IQSEC2: variants seen among roughly 807,000 people sequenced by gnomAD.
IQSEC2 encodes IQ motif and Sec7 domain ArfGEF 2.
In IQSEC2, 6 loss-of-function variants were observed where a neutral mutation model predicts 74.6. The ratio of observed to expected loss-of-function variants is 0.08; its 90% CI spans 0.04 to 0.16. The LOEUF (loss-of-function observed/expected upper bound fraction) is 0.16. Among genes scored for constraint, IQSEC2 ranks in the 10% least tolerant of loss-of-function variants. The pLI, the probability that IQSEC2 is intolerant of heterozygous loss-of-function variation, is 1.00. For synonymous variants in IQSEC2, 494 were observed against 544.5 expected (o/e 0.91, Z 1.29); for missense variants, 734 against 1,306.2 (o/e 0.56, Z 6.75).
chrX:53,255,007 A>C, intron 3 of IQSEC2, 76 bp from the exon 4 acceptor site: 15 of 980,678 alleles, frequency 1.5e-5, no homozygotes, highest in Non-Finnish European at 2.0e-5. Context: ...CAACCACACC[A>C]CCCCCACTGG....
At chrX:53,291,814 A>C in intron 2 of IQSEC2, 81 bp downstream of exon 2, 1 of 921,131 alleles carries the variant, frequency 1.1e-6, no homozygotes, top group Non-Finnish European at 1.5e-6. Context: ...TTGCCCATGG[A>C]TCCTGCAGTT....
At chrX:53,291,535 C>T (rs1288218098) in intron 2 of IQSEC2, among the ~76,000 whole-genome samples, 1 of 111,105 alleles carries the variant, frequency 9.0e-6, no homozygotes, top group African/African-American at 3.3e-5. Context: ...ACCAGGGAAG[C>T]TCAGCATCGA....
intron 1 of IQSEC2, among the ~76,000 whole-genome samples, chrX:53,312,051 T>C (rs782494924): frequency 1.8e-5 from 2 of 111,499 alleles, no homozygotes; most frequent in Non-Finnish European, 3.8e-5. Context: ...TGTGCTCTAG[T>C]TTGTACTGAA....
intron 1 of IQSEC2, among the ~76,000 whole-genome samples, chrX:53,299,604 G>A (rs1436146234): frequency 9.0e-6 from 1 of 111,365 alleles, no homozygotes; most frequent in Non-Finnish European, 1.9e-5. Context: ...CTGCAGGCCT[G>A]TTTCACCCCA....
chrX:53,290,368 G>T (rs782250162), intron 2 of IQSEC2, among the ~76,000 whole-genome samples: 2 of 112,227 alleles, frequency 1.8e-5, no homozygotes, highest in African/African-American at 6.5e-5. Context: ...CTGAGCTCTA[G>T]GTCCCAGGAA....
At chrX:53,310,477 G>T (rs2497954) in intron 1 of IQSEC2, among the ~76,000 whole-genome samples, 27,690 of 110,636 alleles carry the variant, frequency 0.25, 3,213 homozygotes, top group South Asian at 0.42. Flanking sequence ...CTAAAATTCA[G>T]AAAAGGTAAA....
chrX:53,315,261 C>A (rs1487298251), intron 1 of IQSEC2, among the ~76,000 whole-genome samples: 1 of 111,589 alleles, frequency 9.0e-6, no homozygotes, highest in African/African-American at 3.3e-5. Flanking sequence ...GGTGGTGGCA[C>A]GTGTTTGTAA....
chrX:53,282,834 T>C (rs1556871174), intron 2 of IQSEC2, among the ~76,000 whole-genome samples: 1 of 109,309 alleles, frequency 9.1e-6, no homozygotes, highest in African/African-American at 3.3e-5. Flanking sequence ...CAGCTTCACC[T>C]TGTGCCCATT....
At chrX:53,294,544 G>C (rs1482816033) in intron 1 of IQSEC2, among the ~76,000 whole-genome samples, 1 of 112,044 alleles carries the variant, frequency 8.9e-6, no homozygotes, top group Non-Finnish European at 1.9e-5. Context: ...TCCCTAATTG[G>C]CAGTGTGAAC....
rs1175128014 is a variant in IQSEC2, at chrX:53,233,247, C to T, written c.*972G>A. ...GGCATTCTGGCTCCCAACCCCAGCT[C>T]TGATGGCTTCAATCTCTGCCTCAGG... On this transcript the variant is annotated 3_prime_UTR_variant, in exon 15 of 15. Coordinates refer to ENST00000642864, the MANE Select transcript of IQSEC2 (RefSeq NM_001111125.3). The T allele has an allele frequency of 1.8e-5, 2 of 112,687 alleles. No homozygotes were observed. The highest frequency in any genetic ancestry group is 3.8e-5 in the Non-Finnish European group (2 of 53,260). The allele number at this position is 112,687 out of a possible 1,213,427, so 9.3% of individuals were successfully genotyped here. A position where few individuals can be genotyped will look rare whatever the true frequency, so the allele number is the denominator to read the frequency against.
rs1556880122 is a variant in IQSEC2 at position 53,320,651 on chromosome X, T to C, written c.473A>G (p.His158Arg). Residue 158 changes from histidine (H) to arginine (R), a missense_variant, in exon 1 of 15, where the codon CAC (histidine) becomes CGC (arginine). This residue lies in a region of IQSEC2 where 134 missense variants were observed against 214.9 expected (regional missense o/e 0.62). Transcript: ENST00000642864. Reference protein sequence around the residue: ...TARERDVAQCHLHHENPALGR... With the variant: ...TARERDVAQCRLHHENPALGR... Reference sequence around the variant, plus strand: ...CAGGGCTGGGTTCTCGTGGTGCAGGTGGCACTGGGCCACGTCACGCTCGCG... The same window carrying C: ...CAGGGCTGGGTTCTCGTGGTGCAGGCGGCACTGGGCCACGTCACGCTCGCG... The C allele has an allele frequency of 2.6e-6, 3 of 1,162,700 alleles. No individual in the cohort carries two copies. Among genetic ancestry groups the C allele is most frequent in the East Asian group, 6.6e-5 (2 of 30,419 alleles).
chrX:53,307,339 A>G (rs1556876938), intron 1 of IQSEC2, among the ~76,000 whole-genome samples: 1 of 50,111 alleles, frequency 2.0e-5, no homozygotes, highest in African/African-American at 8.7e-5. Flanking sequence ...TCATCATGTT[A>G]TCATATTGCC....
At chrX:53,246,560 T>C (rs2074311730) in intron 8 of IQSEC2, among the ~76,000 whole-genome samples, 1 of 111,877 alleles carries the variant, frequency 8.9e-6, no homozygotes, top group South Asian at 3.7e-4. Flanking sequence ...GGTCGAGTGA[T>C]AAATGAATGC....
intron 1 of IQSEC2, among the ~76,000 whole-genome samples, chrX:53,315,339 C>T (rs1284173633): frequency 8.9e-6 from 1 of 112,140 alleles, no homozygotes; most frequent in Non-Finnish European, 1.9e-5. Context: ...TGCAGTGAGT[C>T]AAGAGTGTGC....
At chrX:53,244,216 CAAA>C (rs782494862) in intron 8 of IQSEC2, among the ~76,000 whole-genome samples, 1 of 58,872 alleles carries the variant, frequency 1.7e-5, no homozygotes, top group Non-Finnish European at 3.2e-5. Context: ...GACTCTGTCT[CAAA>C]AAAAAAAAAA....
At chrX:53,317,983 G>C (rs1051070840) in intron 1 of IQSEC2, among the ~76,000 whole-genome samples, 1 of 112,028 alleles carries the variant, frequency 8.9e-6, no homozygotes. Context: ...AAATCCTCTA[G>C]AGACCTAAGG....
intron 14 of IQSEC2, among the ~76,000 whole-genome samples, chrX:53,235,485 G>A (rs1325004114): frequency 9.0e-6 from 1 of 111,315 alleles, no homozygotes; most frequent in Non-Finnish European, 1.9e-5. Flanking sequence ...ACTCGCCCAG[G>A]GTCAAAGAGC....
At position 53,320,830 on chromosome X, in the gene IQSEC2, G is replaced by C; in HGVS notation, c.294C>G (p.His98Gln). ...QYQNLRETQFHHRELRESQFH... is the reference protein window; with the variant it reads ...QYQNLRETQFQHRELRESQFH... ...ACTGGCTCTCCCGCAGCTCGCGGTG[G>C]TGGAACTGGGTCTCGCGCAGGTTCT... is the stretch of plus-strand genomic sequence containing the variant. The change falls in exon 1 of 15, where the codon CAC becomes CAG. Residue 98 changes from histidine (H) to glutamine (Q), a missense_variant. By Grantham distance (24) the His-to-Gln change is conservative (BLOSUM62 0). Coordinates refer to ENST00000642864, the MANE Select transcript of IQSEC2 (RefSeq NM_001111125.3). 4 of 1,163,832 alleles carry C rather than the reference G, an allele frequency of 3.4e-6. No individual in the cohort carries two copies.
At position 53,235,199 on chromosome X, in the gene IQSEC2, G is replaced by T; in HGVS notation, c.3502-15C>A. On this transcript the variant is annotated splice_polypyrimidine_tract_variant and intron_variant, in intron 14 of 14. Coordinates refer to ENST00000642864, the MANE Select transcript of IQSEC2 (RefSeq NM_001111125.3). ...ATAACAGACCCCTGGAAGCGGGGAG[G>T]GGGGAAGTCAGGCCAGGCTAGATGC... 3 of 1,164,945 alleles carry T rather than the reference G, an allele frequency of 2.6e-6. No homozygotes were observed. Among genetic ancestry groups the T allele is most frequent in the East Asian group, 3.3e-5 (1 of 30,757 alleles).
Sources: gnomAD v4.1 joint callset for allele counts (sites outside exome capture counted in the v4.1 genomes callset) on GRCh38, gnomAD v4.1.1 for gene constraint, gnomAD v4.1.1 regional missense constraint, MANE v1.5 for transcripts, NCBI Gene and HGNC (gene_info 2026-07-23, HGNC 2026-07-21) for gene names.